The following LIPI variants were observed in gnomAD, a reference collection of about 807,000 sequenced individuals.
LIPI encodes the protein lipase member I.
A neutral mutation model predicts 50.6 loss-of-function variants in LIPI; 59 were observed. That is an observed-to-expected ratio of 1.16 (90% CI 0.94 to 1.45). LIPI has a LOEUF of 1.45. Ranked by LOEUF, LIPI falls within the 40% of genes most tolerant of loss-of-function variation. The pLI is 0.00. For synonymous variants in LIPI, 203 were observed against 178.2 expected (o/e 1.14, Z -1.11); for missense variants, 586 against 536.3 (o/e 1.09, Z -0.92).
chr21:14,186,119 C>G (rs759449451), intron 2 of LIPI, 50 bp from the exon 3 acceptor site: 13 of 966,808 alleles, frequency 1.3e-5, no homozygotes, highest in South Asian at 7.7e-5. Flanking sequence ...CAAGTAATAA[C>G]AAATCATGCC....
At chr21:14,147,085 T>C (rs2017936092) in intron 8 of LIPI, among the ~76,000 whole-genome samples, 1 of 152,078 alleles carries the variant, frequency 6.6e-6, no homozygotes, top group Non-Finnish European at 1.5e-5. Context: ...CCCCAGCCTT[T>C]ATTCTTAAAC....
intron 9 of LIPI, among the ~76,000 whole-genome samples, chr21:14,129,809 TAAA>T (rs199899861): frequency 0.022 from 3,000 of 136,406 alleles, 63 homozygotes; most frequent in African/African-American, 0.049. Context: ...TTTTTTTTTT[TAAA>T]AAAAAAAAAA....
At chr21:14,128,856 T>A (rs878907188) in intron 9 of LIPI, among the ~76,000 whole-genome samples, 1 of 152,094 alleles carries the variant, frequency 6.6e-6, no homozygotes, top group Admixed American at 6.5e-5. Flanking sequence ...TAGTCAACTG[T>A]GATCAGAGCC....
intron 4 of LIPI, among the ~76,000 whole-genome samples, chr21:14,175,879 G>A (rs1288123298): frequency 6.6e-6 from 1 of 151,978 alleles, no homozygotes; most frequent in Non-Finnish European, 1.5e-5. Flanking sequence ...TTCATTGTAT[G>A]GAAAGAAGGC....
intron 1 of LIPI, among the ~76,000 whole-genome samples, chr21:14,198,942 A>T (rs952506024): frequency 5.3e-5 from 8 of 152,282 alleles, no homozygotes; most frequent in Admixed American, 4.6e-4. Flanking sequence ...ATTAGAAATT[A>T]ACACTAAGAA....
intron 1 of LIPI, among the ~76,000 whole-genome samples, chr21:14,194,993 G>A (rs1439874368): frequency 1.3e-5 from 2 of 152,152 alleles, no homozygotes; most frequent in African/African-American, 4.8e-5. Context: ...AATTGTGATT[G>A]CTGAAAGGGA....
intron 1 of LIPI, among the ~76,000 whole-genome samples, chr21:14,191,654 A>C (rs1032074334): frequency 6.6e-6 from 1 of 152,172 alleles, no homozygotes; most frequent in Admixed American, 6.5e-5. Context: ...GCACCAATTC[A>C]CCACTCCCTG....
intron 1 of LIPI, among the ~76,000 whole-genome samples, chr21:14,194,661 G>C (rs1600927599): frequency 2.0e-5 from 3 of 152,192 alleles, no homozygotes; most frequent in African/African-American, 7.2e-5. Context: ...GAAATGAGGA[G>C]TTATATTTAA....
intron 9 of LIPI, among the ~76,000 whole-genome samples, chr21:14,112,962 C>G (rs959127083): frequency 8.5e-5 from 13 of 152,080 alleles, no homozygotes; most frequent in Non-Finnish European, 1.5e-4. Context: ...TGAGAAAACC[C>G]AATTCATAGT....
At chr21:14,169,923 G>A (rs1434016231) in intron 4 of LIPI, among the ~76,000 whole-genome samples, 2 of 151,982 alleles carry the variant, frequency 1.3e-5, no homozygotes, top group African/African-American at 2.4e-5. Context: ...ATGAATCCAG[G>A]AGCTGGTTTT....
chr21:14,206,848 C>T, intron 1 of LIPI: 2 of 1,612,014 alleles, frequency 1.2e-6, no homozygotes, highest in South Asian at 1.1e-5. Context: ...AGCCACAGGA[C>T]ATTTCTGGGT....
At chr21:14,180,072 C>T (rs8134368) in intron 4 of LIPI, among the ~76,000 whole-genome samples, 38,891 of 151,742 alleles carry the variant, frequency 0.26, 5,258 homozygotes, top group Middle Eastern at 0.33. Context: ...TATAAATGGC[C>T]GCTCTGGGAA....
At position 14,210,755 on chromosome 21, in the gene LIPI, T is replaced by C. The variant is rs891601566; in HGVS notation, c.46+45A>G. ...CCAGAATACAGACCACACTATTTTATATGCAATTTTTAAAGATAAATCAAA... is the reference window on the plus strand; with the variant it reads ...CCAGAATACAGACCACACTATTTTACATGCAATTTTTAAAGATAAATCAAA... On this transcript the variant is annotated intron_variant, in intron 1 of 9. Transcript: ENST00000681601. 15 of 797,824 alleles carry C rather than the reference T, an allele frequency of 1.9e-5. No homozygotes were observed. The African/African-American group carries it at 2.6e-4, about 14-fold the overall frequency. 49.4% of individuals were successfully genotyped at this position (797,824 alleles called of 1,614,324 possible).
intron 9 of LIPI, among the ~76,000 whole-genome samples, 162 bp from the exon 10 acceptor site, chr21:14,109,242 C>T (rs2016311065): frequency 6.6e-6 from 1 of 152,050 alleles, no homozygotes; most frequent in African/African-American, 2.4e-5. Context: ...TCCATTCTAT[C>T]TCATTTGGCT....
At chr21:14,143,137 A>G (rs1404762954) in intron 9 of LIPI, among the ~76,000 whole-genome samples, 1 of 152,146 alleles carries the variant, frequency 6.6e-6, no homozygotes, top group Non-Finnish European at 1.5e-5. Context: ...GATGTTTTGG[A>G]AAAGAGAGAG....
intron 9 of LIPI, chr21:14,143,917 G>A (rs2017807647): frequency 6.4e-6 from 1 of 156,236 alleles, no homozygotes; most frequent in South Asian, 2.0e-4. Flanking sequence ...TCGTCTTCAA[G>A]AAAATGGTGC....
chr21:14,140,249 A>G (rs777179070), intron 9 of LIPI, among the ~76,000 whole-genome samples: 7 of 152,166 alleles, frequency 4.6e-5, no homozygotes, highest in Non-Finnish European at 8.8e-5. Context: ...TTCAGAAGGT[A>G]GGAACAAAGA....
At chr21:14,158,078 G>C (rs2018333900) in intron 7 of LIPI, among the ~76,000 whole-genome samples, 1 of 151,766 alleles carries the variant, frequency 6.6e-6, no homozygotes, top group East Asian at 1.9e-4. Context: ...TTTACTTTAA[G>C]TTGATGCTGT....
chr21:14,183,809 TAA>T (rs1479655205), intron 3 of LIPI, among the ~76,000 whole-genome samples: 1 of 152,116 alleles, frequency 6.6e-6, no homozygotes, highest in Non-Finnish European at 1.5e-5. Context: ...TGGCGATCAT[TAA>T]AAAGTCAGGA....
Sources: allele counts gnomAD v4.1 joint callset (sites outside exome capture counted in the v4.1 genomes callset), GRCh38; gene constraint gnomAD v4.1.1; transcripts MANE v1.5; gene names NCBI Gene and HGNC (gene_info 2026-07-23, HGNC 2026-07-21).